The following DPYD variants were observed in gnomAD, a reference collection of about 807,000 sequenced individuals.
DPYD encodes dihydropyrimidine dehydrogenase [NADP(+)].
Under a neutral mutation model 116.2 loss-of-function variants are expected in DPYD, and 109 were observed. The observed-to-expected ratio is 0.94, with a 90% CI of 0.80 to 1.10. The LOEUF (loss-of-function observed/expected upper bound fraction) is 1.10, where lower values mean the gene tolerates loss of function less well. Ranked by LOEUF, DPYD falls within the 50% of genes least tolerant of loss-of-function variation. The pLI, the probability that DPYD is intolerant of heterozygous loss-of-function variation, is 0.00. For missense variants in DPYD, 1,302 were observed against 1,254.5 expected (o/e 1.04, Z -0.57); for synonymous variants, 440 against 432.0 (o/e 1.02, Z -0.23).
chr1:97,899,384 G>GTCCC (rs1416200328), intron 1 of DPYD, among the ~76,000 whole-genome samples: 1 of 151,896 alleles, frequency 6.6e-6, no homozygotes, highest in Non-Finnish European at 1.5e-5. Flanking sequence ...ATTGGGAGAG[G>GTCCC]ACAACTGAAA....
intron 7 of DPYD, 42 bp from the exon 8 acceptor site, chr1:97,679,224 A>G (rs769020877): frequency 9.4e-7 from 1 of 1,060,174 alleles, no homozygotes; most frequent in South Asian, 1.5e-5. Flanking sequence ...TTGGCATATG[A>G]TTAATTAAAA....
At chr1:97,203,115 T>C (rs540067401) in intron 19 of DPYD, among the ~76,000 whole-genome samples, 1 of 152,260 alleles carries the variant, frequency 6.6e-6, no homozygotes, top group African/African-American at 2.4e-5. Flanking sequence ...ATTTTTCTAC[T>C]AACATCGTTT....
intron 18 of DPYD, among the ~76,000 whole-genome samples, chr1:97,252,919 A>C (rs1218272085): frequency 6.6e-6 from 1 of 152,166 alleles, no homozygotes; most frequent in African/African-American, 2.4e-5. Flanking sequence ...TCGAAATACA[A>C]ATCATAAGAC....
Position 97,291,356 on chromosome 1 carries a change from T to C in DPYD, c.2299+13903A>G, listed in dbSNP as rs963908912. On this transcript the variant is annotated intron_variant, in intron 18 of 22. Coordinates refer to ENST00000370192, the MANE Select transcript of DPYD (RefSeq NM_000110.4). Reference sequence around the variant, plus strand: ...TACTGGGTATATACCCAAAGGACTATAAATCATGCTGCTATAAAGACACAT... The same window carrying C: ...TACTGGGTATATACCCAAAGGACTACAAATCATGCTGCTATAAAGACACAT... 5.3e-5 allele frequency among the ~76,000 whole-genome samples: 8 copies of C among 151,974 alleles called. No individual in the cohort carries two copies. In the South Asian group the frequency reaches 1.0e-3, roughly 20 times the overall value.
chr1:97,897,561 TTC>T (rs879402997), intron 1 of DPYD, among the ~76,000 whole-genome samples: 3 of 151,912 alleles, frequency 2.0e-5, no homozygotes, highest in Non-Finnish European at 4.4e-5. Flanking sequence ...TTTCATTTTT[TTC>T]TCTCTCTGTG....
intron 21 of DPYD, among the ~76,000 whole-genome samples, chr1:97,097,658 T>C (rs1650362737): frequency 6.6e-6 from 1 of 152,126 alleles, no homozygotes; most frequent in Non-Finnish European, 1.5e-5. Flanking sequence ...TGAGGAATCC[T>C]GGTGGTGATG....
intron 16 of DPYD, among the ~76,000 whole-genome samples, chr1:97,330,158 A>G (rs1668915024): frequency 6.6e-6 from 1 of 152,156 alleles, no homozygotes; most frequent in Non-Finnish European, 1.5e-5. Context: ...CTGACACAAT[A>G]TAAAGTGAAT....
chr1:97,443,901 C>T (rs1485731962), intron 14 of DPYD, among the ~76,000 whole-genome samples: 4 of 152,198 alleles, frequency 2.6e-5, no homozygotes, highest in African/African-American at 9.6e-5. Flanking sequence ...TCTGGACTAA[C>T]GTACGCCCAT....
intron 16 of DPYD, among the ~76,000 whole-genome samples, chr1:97,340,871 G>A (rs1193491791): frequency 6.6e-6 from 1 of 152,118 alleles, no homozygotes; most frequent in East Asian, 1.9e-4. Flanking sequence ...ATATACTCAT[G>A]TGAATTACTT....
intron 16 of DPYD, among the ~76,000 whole-genome samples, chr1:97,352,088 A>G (rs75053096): frequency 6.6e-6 from 1 of 152,146 alleles, no homozygotes; most frequent in South Asian, 2.1e-4. Context: ...ACTTTCTAAA[A>G]TGATGCAGTG....
intron 18 of DPYD, among the ~76,000 whole-genome samples, chr1:97,273,774 T>C (rs2100903046): frequency 6.6e-6 from 1 of 152,330 alleles, no homozygotes; most frequent in South Asian, 2.1e-4. Flanking sequence ...AGTGTCTTGC[T>C]TGTCTGATAT....
chr1:97,869,495 T>C (rs975612055), intron 2 of DPYD, among the ~76,000 whole-genome samples: 2 of 151,746 alleles, frequency 1.3e-5, no homozygotes, highest in Non-Finnish European at 2.9e-5. Context: ...CTGAAAGCAC[T>C]TAAGAAACAA....
chr1:97,488,280 AGAGT>A (rs1372213815), intron 13 of DPYD, among the ~76,000 whole-genome samples: 1 of 152,170 alleles, frequency 6.6e-6, no homozygotes, highest in African/African-American at 2.4e-5. Context: ...AGGAATGCAG[AGAGT>A]GAGGGGACAG....
chr1:97,303,330 T>C (rs964658464), intron 18 of DPYD, among the ~76,000 whole-genome samples: 1 of 152,018 alleles, frequency 6.6e-6, no homozygotes, highest in Non-Finnish European at 1.5e-5. Context: ...AGACAACACT[T>C]GAGCAGATAT....
intron 3 of DPYD, among the ~76,000 whole-genome samples, chr1:97,783,145 A>G (rs2101220711): frequency 6.6e-6 from 1 of 152,322 alleles, no homozygotes; most frequent in Non-Finnish European, 1.5e-5. Flanking sequence ...TGAAAAAACT[A>G]TTATTCGAAT....
chr1:97,748,177 C>T (rs1385987626), intron 3 of DPYD, among the ~76,000 whole-genome samples: 2 of 152,178 alleles, frequency 1.3e-5, no homozygotes, highest in East Asian at 1.9e-4. Flanking sequence ...AGTTATTTTC[C>T]TCTCAGGAGA....
chr1:97,118,642 A>G (rs1652172747), intron 20 of DPYD, among the ~76,000 whole-genome samples: 1 of 152,222 alleles, frequency 6.6e-6, no homozygotes, highest in South Asian at 2.1e-4. Context: ...AAGGAGATTC[A>G]GGTTCTAGGG....
intron 13 of DPYD, among the ~76,000 whole-genome samples, chr1:97,498,905 CAT>C (rs943931097): frequency 4.7e-4 from 72 of 151,626 alleles, no homozygotes; most frequent in African/African-American, 1.7e-3. Context: ...TATTTGTAAA[CAT>C]AAAGAAATAT....
Position 97,453,078 on chromosome 1 carries a change from A to T in DPYD, c.1741-2855T>A, listed in dbSNP as rs148116841. ...TCAGTACACCCCCTCCCTTGGATAG[A>T]TCCCTGAACCAAATGCTGTGATACA... On this transcript the variant is annotated intron_variant, in intron 13 of 22. Transcript: ENST00000370192. Among the ~76,000 whole-genome samples the T allele has an allele frequency of 3.5e-3, 525 of 152,078 alleles. 1 individual carries two copies. The highest frequency in any genetic ancestry group is 0.011 in the African/African-American group (463 of 41,504).
Sources: allele counts gnomAD v4.1 joint callset (sites outside exome capture counted in the v4.1 genomes callset), GRCh38; gene constraint gnomAD v4.1.1; transcripts MANE v1.5; gene names NCBI Gene and HGNC (gene_info 2026-07-23, HGNC 2026-07-21).